The following CCDC178 variants were observed in gnomAD, a reference collection of about 807,000 sequenced individuals.
CCDC178 encodes coiled-coil domain containing 178.
CCDC178 carries 126 observed loss-of-function variants against 117.4 expected under a neutral mutation model. That is an observed-to-expected ratio of 1.07 (90% CI 0.93 to 1.24). The LOEUF (loss-of-function observed/expected upper bound fraction) is 1.24. Among genes scored for constraint, CCDC178 ranks in the 50% most tolerant of loss-of-function variants. The pLI, the probability that CCDC178 is intolerant of heterozygous loss-of-function variation, is 0.00. For missense variants in CCDC178, 1,030 were observed against 986.9 expected, an observed-to-expected ratio of 1.04 and a Z score of -0.59; for synonymous variants, 283 against 313.4, an observed-to-expected ratio of 0.90 and a Z score of 1.02.
At chr18:33,418,262 A>C (rs1024481827) in intron 2 of CCDC178, among the ~76,000 whole-genome samples, 3 of 152,222 alleles carry the variant, frequency 2.0e-5, no homozygotes, top group Non-Finnish European at 4.4e-5. Context: ...ATAGATGCAG[A>C]AAAGGCTTTT....
At chr18:33,267,403 T>C in intron 12 of CCDC178, 106 bp from the exon 13 acceptor site, 1 of 632,196 alleles carries the variant, frequency 1.6e-6, no homozygotes, top group East Asian at 2.9e-5. Context: ...TTCAGTTACA[T>C]AAAAATTGAA....
chr18:32,992,261 C>G (rs1375904230), intron 21 of CCDC178, among the ~76,000 whole-genome samples: 2 of 152,066 alleles, frequency 1.3e-5, no homozygotes, highest in African/African-American at 4.8e-5. Flanking sequence ...GTGGGATTAT[C>G]AAATCTCTAA....
intron 20 of CCDC178, among the ~76,000 whole-genome samples, chr18:33,193,289 A>AAAAAGAC (rs2058885184): frequency 6.6e-6 from 1 of 151,184 alleles, no homozygotes; most frequent in Non-Finnish European, 1.5e-5. Context: ...AAAAAAAAAA[A>AAAAAGAC]AAAAGACAAA....
At chr18:33,296,993 C>T (rs946378364) in intron 11 of CCDC178, among the ~76,000 whole-genome samples, 2 of 152,192 alleles carry the variant, frequency 1.3e-5, no homozygotes, top group South Asian at 4.1e-4. Flanking sequence ...CACTGCACTG[C>T]AGCCTAGGTG....
intron 21 of CCDC178, among the ~76,000 whole-genome samples, chr18:33,005,359 A>G (rs2055725784): frequency 6.6e-6 from 1 of 152,134 alleles, no homozygotes; most frequent in Non-Finnish European, 1.5e-5. Flanking sequence ...TAAGCCAGGC[A>G]TAAATACAAA....
intron 12 of CCDC178, among the ~76,000 whole-genome samples, chr18:33,286,965 T>G (rs538989680): frequency 6.6e-6 from 1 of 152,334 alleles, no homozygotes; most frequent in South Asian, 2.1e-4. Flanking sequence ...AATTCTTTGT[T>G]TTACATTTAA....
chr18:33,141,844 C>T (rs2058209105), intron 20 of CCDC178, among the ~76,000 whole-genome samples: 1 of 152,124 alleles, frequency 6.6e-6, no homozygotes, highest in Admixed American at 6.5e-5. Flanking sequence ...ATGAGCATGT[C>T]CCTTCCCTAT....
At chr18:33,024,670 G>A (rs2056188362) in intron 21 of CCDC178, among the ~76,000 whole-genome samples, 1 of 151,534 alleles carries the variant, frequency 6.6e-6, no homozygotes, top group Admixed American at 6.6e-5. Flanking sequence ...TTGAGATGGG[G>A]TGTTGCTCTG....
At chr18:33,192,074 T>C (rs1404179181) in intron 20 of CCDC178, among the ~76,000 whole-genome samples, 6 of 152,164 alleles carry the variant, frequency 3.9e-5, no homozygotes, top group African/African-American at 1.4e-4. Flanking sequence ...TGAATTTAAA[T>C]AAATAAATAA....
Position 33,323,517 on chromosome 18 carries a change from C to G in CCDC178, c.996G>C (p.Gln332His). The G allele has an allele frequency of 6.5e-7, 1 of 1,531,944 alleles. No individual in the cohort carries two copies. The highest frequency in any genetic ancestry group is 8.8e-7 in the Non-Finnish European group (1 of 1,140,764). The allele number at this position is 1,531,944 out of a possible 1,614,324, so 94.9% of individuals were successfully genotyped here. The change falls in exon 11 of 23, where the codon CAG (glutamine) becomes CAC (histidine). Residue 332 changes from glutamine (Q) to histidine (H), a missense_variant. By Grantham distance (24) the Gln-to-His change is conservative. Transcript: ENST00000383096. ...IKEEIDKDIY[Q>H]DEKTIEAYKR... ...TGTAGGCCTCTATGGTTTTTTCATC[C>G]TGGTAAATATCCTTATCAATCTCTT...
chr18:33,206,138 C>T (rs1031663525), intron 20 of CCDC178, among the ~76,000 whole-genome samples: 1 of 152,076 alleles, frequency 6.6e-6, no homozygotes, highest in African/African-American at 2.4e-5. Flanking sequence ...CCCCCACCCC[C>T]CAAAAAGGAC....
intron 15 of CCDC178, among the ~76,000 whole-genome samples, chr18:33,240,811 C>T (rs1211390693): frequency 6.6e-6 from 1 of 151,836 alleles, no homozygotes; most frequent in African/African-American, 2.4e-5. Context: ...TGAAACTATT[C>T]CACAAAATTA....
At chr18:33,289,368 G>A (rs1373693186) in intron 12 of CCDC178, among the ~76,000 whole-genome samples, 2 of 151,952 alleles carry the variant, frequency 1.3e-5, no homozygotes, top group Non-Finnish European at 1.5e-5. Context: ...TAATCCCAGC[G>A]CTTTGGAAGG....
chr18:33,385,967 T>G (rs933709437), intron 5 of CCDC178, among the ~76,000 whole-genome samples: 2 of 151,804 alleles, frequency 1.3e-5, no homozygotes, highest in African/African-American at 4.8e-5. Context: ...TGAGACTAAT[T>G]TTTAAAAAAG....
rs547324069 is a variant in CCDC178, at chr18:33,336,080, G to C, written c.659-2686C>G. Reference sequence around the variant, plus strand: ...TTTTTAAGCACACAGACAGCAGGCAGTGGGGGATCAAAAATCTATTTGAGA... The same window carrying C: ...TTTTTAAGCACACAGACAGCAGGCACTGGGGGATCAAAAATCTATTTGAGA... On this transcript the variant is annotated intron_variant, in intron 9 of 22. Transcript: ENST00000383096. Among the ~76,000 whole-genome samples, 13 of 152,232 alleles carry C rather than the reference G, an allele frequency of 8.5e-5. No homozygotes were observed. In the South Asian group the frequency reaches 2.3e-3, roughly 27 times the overall value.
At chr18:33,352,505 AG>A (rs1168703349) in intron 7 of CCDC178, among the ~76,000 whole-genome samples, 8 of 152,114 alleles carry the variant, frequency 5.3e-5, no homozygotes, top group African/African-American at 1.9e-4. Context: ...GTATAAAGTT[AG>A]GTTACTGGAT....
At chr18:33,337,973 C>A (rs1313402029) in intron 9 of CCDC178, among the ~76,000 whole-genome samples, 3 of 152,012 alleles carry the variant, frequency 2.0e-5, no homozygotes, top group Admixed American at 2.0e-4. Flanking sequence ...AACAGGCAAC[C>A]CACAGAGTGG....
rs28848899 is a variant in CCDC178 at position 33,029,014 on chromosome 18, A to G, written c.2389-54333T>C. ...TAATTTTTTTCTTGTTTCAGTACCA[A>G]AGTAATACTCATCCCATAGAACGAG... On this transcript the variant is annotated intron_variant, in intron 21 of 22. Transcript: ENST00000383096. Among the ~76,000 whole-genome samples the G allele has an allele frequency of 1.9e-3, 290 of 151,984 alleles. 4 individuals carry two copies. Among genetic ancestry groups the G allele is most frequent in the African/African-American group, 6.7e-3 (278 of 41,538 alleles).
chr18:33,384,155 G>T (rs1056793119), intron 5 of CCDC178, among the ~76,000 whole-genome samples: 3 of 151,998 alleles, frequency 2.0e-5, no homozygotes, highest in Admixed American at 1.3e-4. Context: ...AGACAAACAA[G>T]ATTAGATAAA....
Sources: allele counts gnomAD v4.1 joint callset (sites outside exome capture counted in the v4.1 genomes callset), GRCh38; gene constraint gnomAD v4.1.1; transcripts MANE v1.5; gene names NCBI Gene and HGNC (gene_info 2026-07-23, HGNC 2026-07-21).